Variants in SLC27A6 observed in about 807,000 individuals in gnomAD.
SLC27A6 encodes the protein long-chain fatty acid transport protein 6.
In SLC27A6, 74 loss-of-function variants were observed where a neutral mutation model predicts 63.9. The observed-to-expected ratio is 1.16, with a 90% confidence interval of 0.96 to 1.40. The LOEUF is 1.40. Ranked by LOEUF, SLC27A6 falls within the 40% of genes most tolerant of loss-of-function variation. The pLI is 0.00. For synonymous variants in SLC27A6, 287 were observed against 260.8 expected (o/e 1.10, Z -0.97); for missense variants, 794 against 732.9 (o/e 1.08, Z -0.96).
chr5:128,999,190 G>A (rs1029769600), intron 4 of SLC27A6, among the ~76,000 whole-genome samples: 2 of 152,084 alleles, frequency 1.3e-5, no homozygotes, highest in Non-Finnish European at 2.9e-5. Context: ...AGAACACGGG[G>A]TGCTCTCTGG....
At chr5:129,010,920 C>T (rs1387402515) in intron 4 of SLC27A6, among the ~76,000 whole-genome samples, 1 of 152,162 alleles carries the variant, frequency 6.6e-6, no homozygotes, top group Admixed American at 6.5e-5. Flanking sequence ...GACCTACGGA[C>T]ACTGTGAGAT....
intron 6 of SLC27A6, among the ~76,000 whole-genome samples, chr5:129,025,337 A>T (rs1007843561): frequency 6.6e-6 from 1 of 152,100 alleles, no homozygotes; most frequent in Non-Finnish European, 1.5e-5. Context: ...AGAAAAAAAA[A>T]CGTAAGTTTT....
chr5:129,000,514 A>G (rs1019826363), intron 4 of SLC27A6, among the ~76,000 whole-genome samples: 1 of 152,172 alleles, frequency 6.6e-6, no homozygotes, highest in Admixed American at 6.5e-5. Context: ...GCTAAATTCT[A>G]CAGAACGTTG....
chr5:129,004,914 T>C (rs535362725), intron 4 of SLC27A6, among the ~76,000 whole-genome samples: 1 of 152,210 alleles, frequency 6.6e-6, no homozygotes. Context: ...TGTCATTCTG[T>C]TGAGCCTGCT....
At chr5:128,974,710 C>T (rs1020982517) in intron 1 of SLC27A6, among the ~76,000 whole-genome samples, 1 of 152,148 alleles carries the variant, frequency 6.6e-6, no homozygotes, top group African/African-American at 2.4e-5. Context: ...GCCAGACAGA[C>T]CCAAATTCCA....
intron 1 of SLC27A6, among the ~76,000 whole-genome samples, chr5:128,977,357 A>T (rs1264763167): frequency 1.3e-5 from 2 of 152,122 alleles, no homozygotes; most frequent in East Asian, 1.9e-4. Flanking sequence ...AGAGAGCTTT[A>T]TGATTGGAGG....
chr5:129,009,671 TTGTG>T (rs71000903), intron 4 of SLC27A6, among the ~76,000 whole-genome samples: 34 of 148,894 alleles, frequency 2.3e-4, no homozygotes, highest in Middle Eastern at 3.4e-3. Context: ...TAACATTTCT[TTGTG>T]TGTGTGTGTG....
chr5:129,002,490 TTCC>T (rs1447629983), intron 4 of SLC27A6, among the ~76,000 whole-genome samples: 1 of 92,710 alleles, frequency 1.1e-5, no homozygotes, highest in Non-Finnish European at 2.1e-5. Flanking sequence ...CCCTCTCTCG[TTCC>T]TTCCCTCTCT....
At chr5:128,984,625 C>A (rs925514334) in intron 1 of SLC27A6, among the ~76,000 whole-genome samples, 1 of 152,158 alleles carries the variant, frequency 6.6e-6, no homozygotes, top group Non-Finnish European at 1.5e-5. Context: ...ATTTTGGAGT[C>A]CCCACTCACT....
intron 4 of SLC27A6, among the ~76,000 whole-genome samples, chr5:129,006,069 C>CTGTTTTTTTTTTTTGTTTTTTTTTTT: frequency 1.5e-5 from 1 of 64,854 alleles, no homozygotes; most frequent in Admixed American, 2.2e-4. Context: ...CCTGTGCACA[C>CTGTTTTTTTTTTTTGTTTTTTTTTTT]TGTTTTTTTT....
chr5:129,023,108 A>G (rs899381772), intron 5 of SLC27A6, among the ~76,000 whole-genome samples: 1 of 152,130 alleles, frequency 6.6e-6, no homozygotes, highest in Non-Finnish European at 1.5e-5. Flanking sequence ...CTTAGGGGAA[A>G]AGGACAAAGT....
chr5:128,982,804 G>T (rs1268555916), intron 1 of SLC27A6, among the ~76,000 whole-genome samples: 1 of 152,094 alleles, frequency 6.6e-6, no homozygotes, highest in Non-Finnish European at 1.5e-5. Context: ...GTAGAGCTAG[G>T]CATTTTCCCT....
At chr5:129,014,702 T>G (rs757413041) in intron 4 of SLC27A6, among the ~76,000 whole-genome samples, 6 of 152,216 alleles carry the variant, frequency 3.9e-5, no homozygotes, top group Non-Finnish European at 7.4e-5. Flanking sequence ...TTTGTCTGTA[T>G]GTAGATATTC....
intron 1 of SLC27A6, among the ~76,000 whole-genome samples, chr5:128,981,140 A>G (rs1750571288): frequency 6.6e-6 from 1 of 152,172 alleles, no homozygotes; most frequent in Non-Finnish European, 1.5e-5. Context: ...TTCTTTGAAA[A>G]CAGAAATTAA....
At chr5:129,011,086 CTT>C (rs1428871063) in intron 4 of SLC27A6, among the ~76,000 whole-genome samples, 5 of 152,216 alleles carry the variant, frequency 3.3e-5, no homozygotes, top group South Asian at 2.1e-4. Flanking sequence ...TCAATTGAGA[CTT>C]AATATGATTA....
chr5:128,994,498 A>T (rs1043300621), intron 4 of SLC27A6, among the ~76,000 whole-genome samples: 1 of 152,176 alleles, frequency 6.6e-6, no homozygotes, highest in Non-Finnish European at 1.5e-5. Flanking sequence ...ATTCCTTTCA[A>T]TGACATTCCC....
chr5:129,017,345 C>T (rs1751934871), intron 5 of SLC27A6, among the ~76,000 whole-genome samples: 1 of 151,552 alleles, frequency 6.6e-6, no homozygotes, highest in Admixed American at 6.6e-5. Context: ...ATCCATTCAT[C>T]AAAGAAAAAA....
chr5:129,009,551 TACA>T (rs1053653137), intron 4 of SLC27A6, among the ~76,000 whole-genome samples: 5 of 152,230 alleles, frequency 3.3e-5, no homozygotes, highest in African/African-American at 1.2e-4. Flanking sequence ...TTTATTTCAT[TACA>T]ACTTTTCTCT....
intron 4 of SLC27A6, among the ~76,000 whole-genome samples, chr5:128,998,926 G>T (rs913164526): frequency 6.6e-6 from 1 of 152,114 alleles, no homozygotes; most frequent in Non-Finnish European, 1.5e-5. Context: ...AAAACACAAT[G>T]AATTAAGATC....
Sources: gnomAD v4.1 joint callset for allele counts (sites outside exome capture counted in the v4.1 genomes callset) on GRCh38, gnomAD v4.1.1 for gene constraint, MANE v1.5 for transcripts, NCBI Gene and HGNC (gene_info 2026-07-23, HGNC 2026-07-21) for gene names.